Variants in NOMO3 observed in about 807,000 individuals in gnomAD.
The protein encoded by NOMO3 is NODAL modulator 3.
A neutral mutation model predicts 69.9 loss-of-function variants in NOMO3; 15 were observed. The observed-to-expected ratio is 0.21, with a 90% CI of 0.14 to 0.33. NOMO3 has a LOEUF of 0.33. Ranked by LOEUF, NOMO3 falls within the 10% of genes least tolerant of loss-of-function variation. The probability of loss-of-function intolerance (pLI) is 1.00; values close to 1 mark genes in which losing one functional copy is unlikely to be tolerated. For synonymous variants in NOMO3, 89 were observed against 301.9 expected, an observed-to-expected ratio of 0.29 and a Z score of 7.31; for missense variants, 218 against 761.0, an observed-to-expected ratio of 0.29 and a Z score of 8.39.
At chr16:16,267,972 G>T (rs1369837880) in intron 16 of NOMO3, among the ~76,000 whole-genome samples, 1 of 130,996 alleles carries the variant, frequency 7.6e-6, no homozygotes, top group Non-Finnish European at 1.5e-5. Flanking sequence ...CCCATGGATT[G>T]GCTTTTTTTG....
chr16:16,241,614 C>T (rs1284421848), intron 3 of NOMO3, among the ~76,000 whole-genome samples: 1 of 111,664 alleles, frequency 9.0e-6, no homozygotes, highest in Non-Finnish European at 1.7e-5. Context: ...ATCATGTTGA[C>T]CCAGGCTGGT....
intron 15 of NOMO3, 184 bp downstream of exon 15, chr16:16,265,363 C>T (rs1567566115): frequency 1.5e-6 from 1 of 686,802 alleles, no homozygotes; most frequent in South Asian, 1.9e-5. Context: ...GTGGAAGGAC[C>T]CCTGTATTTA....
Position 16,251,954 on chromosome 16 carries a change from CT to C in NOMO3, c.736-8del, listed in dbSNP as rs2049466310. 8.5e-6 allele frequency: 11 copies of C among 1,293,486 alleles called. No homozygotes were observed. The highest frequency in any genetic ancestry group is 1.0e-5 in the Non-Finnish European group (10 of 965,326). The allele number at this position is 1,293,486 out of a possible 1,614,324, so 80.1% of individuals were successfully genotyped here. A position where few individuals can be genotyped will look rare whatever the true frequency, so the allele number is the denominator to read the frequency against. On this transcript the variant is annotated splice_region_variant and splice_polypyrimidine_tract_variant and intron_variant, in intron 7 of 30. Coordinates refer to ENST00000399336, the MANE Select transcript of NOMO3 (RefSeq NM_001004067.4). ...AAGGAAGTCTTGTCTTTTTTACCCC[CT>C]GGCATAGGATGTCCTGGGCTGCAAT... is the stretch of plus-strand genomic sequence containing the variant.
intron 6 of NOMO3, among the ~76,000 whole-genome samples, chr16:16,249,478 A>C (rs887385750): frequency 7.4e-6 from 1 of 135,470 alleles, no homozygotes; most frequent in Non-Finnish European, 1.5e-5. Flanking sequence ...GCTACTCGGG[A>C]GGCTGAGGCA....
At chr16:16,238,992 C>T (rs1434622926) in intron 2 of NOMO3, among the ~76,000 whole-genome samples, 1 of 137,750 alleles carries the variant, frequency 7.3e-6, no homozygotes, top group African/African-American at 3.1e-5. Context: ...GCAGGAGAAT[C>T]GCTTGAACCC....
intron 9 of NOMO3, among the ~76,000 whole-genome samples, chr16:16,253,922 AC>A (rs1056338961): frequency 7.3e-5 from 8 of 109,928 alleles, no homozygotes; most frequent in Non-Finnish European, 1.4e-4. Context: ...TAAGTGGACC[AC>A]CCAATGTTAG....
rs1395141333 is a variant in NOMO3, at chr16:16,261,376, C to G, written c.1221-126C>G. On this transcript the variant is annotated intron_variant, in intron 11 of 30. Transcript: ENST00000399336. ...GAATCATCTGGATTGCATTCTGTCT[C>G]TTCATTAAGATTAGACTATTCTCAG... is the stretch of plus-strand genomic sequence containing the variant. The G allele has an allele frequency of 9.1e-6, 13 of 1,428,866 alleles. 1 individual carries two copies. In the Admixed American group the frequency reaches 2.7e-4, roughly 29 times the overall value. 88.5% of individuals were successfully genotyped at this position (1,428,866 alleles called of 1,614,324 possible). A position where few individuals can be genotyped will look rare whatever the true frequency, so the allele number is the denominator to read the frequency against.
At chr16:16,271,947 CT>C (rs1162211702) in intron 18 of NOMO3, among the ~76,000 whole-genome samples, 1 of 73,722 alleles carries the variant, frequency 1.4e-5, no homozygotes, top group South Asian at 6.1e-4. Flanking sequence ...CGTTGAGGGA[CT>C]GAGTTGATGA....
At chr16:16,257,243 TAAC>T (rs2049518918) in intron 11 of NOMO3, among the ~76,000 whole-genome samples, 1 of 134,704 alleles carries the variant, frequency 7.4e-6, no homozygotes, top group Non-Finnish European at 1.5e-5. Context: ...AGCATTAATA[TAAC>T]AAGCTTTGAT....
At chr16:16,237,751 T>A (rs1324688777) in intron 2 of NOMO3, among the ~76,000 whole-genome samples, 1 of 144,178 alleles carries the variant, frequency 6.9e-6, no homozygotes, top group South Asian at 2.2e-4. Flanking sequence ...GGTTTTGCCA[T>A]GTTGGCTAGG....
chr16:16,268,515 A>T (rs1043785521), intron 16 of NOMO3, among the ~76,000 whole-genome samples: 1 of 143,782 alleles, frequency 7.0e-6, no homozygotes, highest in Admixed American at 6.7e-5. Context: ...TTGGTTCCCA[A>T]GATAAAATAC....
intron 1 of NOMO3, among the ~76,000 whole-genome samples, chr16:16,235,010 G>A (rs1335886484): frequency 6.6e-6 from 1 of 151,946 alleles, no homozygotes; most frequent in Non-Finnish European, 1.5e-5. Context: ...GGTCTAGTCT[G>A]GTGAATTTCC....
At chr16:16,242,507 G>A (rs1340622590) in intron 3 of NOMO3, among the ~76,000 whole-genome samples, 1 of 142,888 alleles carries the variant, frequency 7.0e-6, no homozygotes, top group Non-Finnish European at 1.5e-5. Flanking sequence ...AGTGGCAGTT[G>A]TCTCCTTTCA....
intron 3 of NOMO3, among the ~76,000 whole-genome samples, chr16:16,240,548 A>G (rs1374740685): frequency 6.9e-6 from 1 of 145,504 alleles, no homozygotes; most frequent in Non-Finnish European, 1.5e-5. Flanking sequence ...CACACATCCC[A>G]ACAAAAGCTC....
At chr16:16,235,979 A>G in intron 1 of NOMO3, 1 of 338,962 alleles carries the variant, frequency 3.0e-6, no homozygotes. Flanking sequence ...GCATTTGGGC[A>G]TCTTACTGGG....
rs2049504262 is a variant in NOMO3 at position 16,255,649 on chromosome 16, G to A, written c.964-71G>A. The A allele has an allele frequency of 6.4e-6, 9 of 1,397,084 alleles. 1 individual carries two copies. Among genetic ancestry groups the A allele is most frequent in the South Asian group, 1.2e-5 (1 of 82,280 alleles). 86.5% of individuals were successfully genotyped at this position (1,397,084 alleles called of 1,614,324 possible). A position where few individuals can be genotyped will look rare whatever the true frequency, so the allele number is the denominator to read the frequency against. On this transcript the variant is annotated intron_variant, in intron 9 of 30. Transcript: ENST00000399336. ...GCAGACATGGTAGGTGGTGGCCGGC[G>A]CAGCAGAAGGAGGCTTTGTGGCTCT...
At chr16:16,254,430 T>G (rs3891245) in intron 9 of NOMO3, among the ~76,000 whole-genome samples, 31,733 of 139,000 alleles carry the variant, frequency 0.23, 5,701 homozygotes, top group African/African-American at 0.27. Flanking sequence ...GAAAGATCAA[T>G]AAGGACTACC....
At chr16:16,234,816 T>A (rs1488031664) in intron 1 of NOMO3, among the ~76,000 whole-genome samples, 2 of 150,514 alleles carry the variant, frequency 1.3e-5, no homozygotes, top group African/African-American at 2.5e-5. Flanking sequence ...GGGACCTTAC[T>A]GTTAAAAAAA....
intron 6 of NOMO3, among the ~76,000 whole-genome samples, chr16:16,249,252 TGG>T (rs2049442632): frequency 6.9e-6 from 1 of 145,868 alleles, no homozygotes. Flanking sequence ...CTTTTGGTTT[TGG>T]GGGTTTTTCT....
Sources: gnomAD v4.1 joint callset for allele counts (sites outside exome capture counted in the v4.1 genomes callset) on GRCh38, gnomAD v4.1.1 for gene constraint, MANE v1.5 for transcripts, NCBI Gene and HGNC (gene_info 2026-07-23, HGNC 2026-07-21) for gene names.